The following DCC variants were observed in gnomAD, a reference collection of about 807,000 sequenced individuals.
DCC encodes DCC netrin 1 receptor.
A neutral mutation model predicts 172.5 loss-of-function variants in DCC; 58 were observed. The observed-to-expected ratio is 0.34, with a 90% confidence interval of 0.27 to 0.42. DCC has a LOEUF of 0.42. Ranked by LOEUF, DCC falls within the 10% of genes least tolerant of loss-of-function variation. DCC has a pLI of 1.00. For missense variants in DCC, 1,740 were observed against 1,791.0 expected (o/e 0.97, Z 0.51); for synonymous variants, 709 against 644.5 (o/e 1.10, Z -1.52).
At chr18:52,693,692 A>G (rs2035966999) in intron 1 of DCC, among the ~76,000 whole-genome samples, 1 of 151,974 alleles carries the variant, frequency 6.6e-6, no homozygotes, top group Non-Finnish European at 1.5e-5. Context: ...ATGAGCCAAG[A>G]GCATCCTGTA....
At chr18:53,077,851 T>C (rs894548055) in intron 7 of DCC, among the ~76,000 whole-genome samples, 4 of 152,172 alleles carry the variant, frequency 2.6e-5, no homozygotes, top group African/African-American at 9.6e-5. Context: ...GAATTACTAA[T>C]AAAGGTTAAA....
chr18:52,353,753 T>A (rs1984235621), intron 1 of DCC, among the ~76,000 whole-genome samples: 1 of 152,172 alleles, frequency 6.6e-6, no homozygotes, highest in Non-Finnish European at 1.5e-5. Flanking sequence ...ACATGGGGTC[T>A]CAGCTGCGCA....
intron 5 of DCC, among the ~76,000 whole-genome samples, chr18:53,049,799 G>A (rs1227808769): frequency 6.6e-6 from 1 of 152,036 alleles, no homozygotes; most frequent in Non-Finnish European, 1.5e-5. Flanking sequence ...ACTAGTCAGG[G>A]TTCTCTAGAG....
At chr18:52,494,714 A>T (rs922052934) in intron 1 of DCC, among the ~76,000 whole-genome samples, 1 of 151,936 alleles carries the variant, frequency 6.6e-6, no homozygotes, top group African/African-American at 2.4e-5. Context: ...CATTCTTTGC[A>T]TCTGTTTGCT....
intron 1 of DCC, among the ~76,000 whole-genome samples, chr18:52,507,491 C>T (rs2031275524): frequency 6.6e-6 from 1 of 152,098 alleles, no homozygotes; most frequent in East Asian, 1.9e-4. Flanking sequence ...CAGAGATAGT[C>T]CTGTAAGAAA....
chr18:52,943,318 T>C (rs2040491892), intron 5 of DCC, among the ~76,000 whole-genome samples: 1 of 152,184 alleles, frequency 6.6e-6, no homozygotes, highest in Admixed American at 6.5e-5. Flanking sequence ...TTTCTTTATG[T>C]AGAATTGTTT....
intron 1 of DCC, among the ~76,000 whole-genome samples, chr18:52,566,778 A>G (rs971268065): frequency 2.0e-5 from 3 of 152,190 alleles, no homozygotes; most frequent in Non-Finnish European, 4.4e-5. Context: ...GTTTGAAGCT[A>G]TGAGCTCCCT....
intron 20 of DCC, 141 bp downstream of exon 20, chr18:53,410,787 G>C (rs1258412971): frequency 3.0e-6 from 2 of 674,476 alleles, no homozygotes; most frequent in Non-Finnish European, 2.7e-6. Flanking sequence ...TTAAAATGTA[G>C]CTTTTTATGC....
At chr18:52,509,539 T>C (rs1035148746) in intron 1 of DCC, among the ~76,000 whole-genome samples, 3 of 152,190 alleles carry the variant, frequency 2.0e-5, no homozygotes, top group East Asian at 1.9e-4. Flanking sequence ...ATTCCCTTTA[T>C]GAGATGAATG....
At chr18:52,665,508 G>A (rs1033261967) in intron 1 of DCC, among the ~76,000 whole-genome samples, 5 of 152,178 alleles carry the variant, frequency 3.3e-5, no homozygotes, top group Non-Finnish European at 5.9e-5. Flanking sequence ...CTGGTGTGTG[G>A]AGCAGATGTG....
At chr18:53,181,262 T>A (rs2055191806) in intron 9 of DCC, among the ~76,000 whole-genome samples, 1 of 152,220 alleles carries the variant, frequency 6.6e-6, no homozygotes. Context: ...CAGAGCTGAC[T>A]AGTCATGATT....
intron 1 of DCC, among the ~76,000 whole-genome samples, chr18:52,586,291 T>C (rs1206768448): frequency 2.0e-5 from 3 of 152,202 alleles, no homozygotes; most frequent in African/African-American, 4.8e-5. Flanking sequence ...ATCCTAGTTT[T>C]ATTATGATTT....
chr18:52,571,867 T>C (rs2033303580), intron 1 of DCC, among the ~76,000 whole-genome samples: 1 of 152,212 alleles, frequency 6.6e-6, no homozygotes, highest in Admixed American at 6.5e-5. Context: ...AGTAGCAACA[T>C]GTATGGAAAC....
intron 2 of DCC, among the ~76,000 whole-genome samples, chr18:52,894,745 C>A (rs1449419035): frequency 6.6e-6 from 1 of 151,988 alleles, no homozygotes; most frequent in Non-Finnish European, 1.5e-5. Context: ...AGACTAATGT[C>A]CCAGCTCAAG....
chr18:52,485,068 G>A (rs552413936), intron 1 of DCC, among the ~76,000 whole-genome samples: 57 of 152,206 alleles, frequency 3.7e-4, no homozygotes, highest in African/African-American at 1.3e-3. Context: ...GGAGCATGAA[G>A]GACCTACATG....
intron 1 of DCC, among the ~76,000 whole-genome samples, chr18:52,636,325 G>A (rs2034779793): frequency 6.6e-6 from 1 of 152,120 alleles, no homozygotes; most frequent in Non-Finnish European, 1.5e-5. Flanking sequence ...AACGGGGTGA[G>A]AAGCCTCCTG....
chr18:53,318,621 T>C (rs1328860995), intron 13 of DCC, among the ~76,000 whole-genome samples: 1 of 152,198 alleles, frequency 6.6e-6, no homozygotes, highest in Non-Finnish European at 1.5e-5. Context: ...AGTCGAAGTC[T>C]CTTTGTAGGT....
intron 5 of DCC, among the ~76,000 whole-genome samples, chr18:52,948,142 GAT>G (rs976722425): frequency 1.3e-5 from 2 of 152,064 alleles, no homozygotes; most frequent in Admixed American, 6.6e-5. Context: ...ACTGATTCAG[GAT>G]ATATATTTTC....
chr18:52,969,872 A>G (rs1280582035), intron 5 of DCC, among the ~76,000 whole-genome samples: 2 of 152,080 alleles, frequency 1.3e-5, no homozygotes, highest in Non-Finnish European at 2.9e-5. Context: ...TGTGTGTAGC[A>G]GGTATTCAAT....
Sources: allele counts gnomAD v4.1 joint callset (sites outside exome capture counted in the v4.1 genomes callset), GRCh38; gene constraint gnomAD v4.1.1; transcripts MANE v1.5; gene names NCBI Gene and HGNC (gene_info 2026-07-23, HGNC 2026-07-21).